ADAMTS17: variants seen among roughly 807,000 people sequenced by gnomAD.
ADAMTS17 encodes ADAM metallopeptidase with thrombospondin type 1 motif 17, also known as A disintegrin and metalloproteinase with thrombospondin motifs 17.
ADAMTS17 carries 113 observed loss-of-function variants against 141.5 expected under a neutral mutation model. That is an observed-to-expected ratio of 0.80 (90% CI 0.69 to 0.93). The LOEUF (loss-of-function observed/expected upper bound fraction) is 0.93. Ranked by LOEUF, ADAMTS17 falls within the 40% of genes least tolerant of loss-of-function variation. The pLI, the probability that ADAMTS17 is intolerant of heterozygous loss-of-function variation, is 0.00. For synonymous variants in ADAMTS17, 768 were observed against 630.6 expected (o/e 1.22, Z -3.27); for missense variants, 1,659 against 1,517.9 (o/e 1.09, Z -1.54).
chr15:100,105,016 G>A (rs960057151), intron 14 of ADAMTS17, among the ~76,000 whole-genome samples: 1 of 152,232 alleles, frequency 6.6e-6, no homozygotes, highest in South Asian at 2.1e-4. Context: ...AACCTTTACA[G>A]TATCTGTCTG....
At chr15:100,088,486 T>C (rs537255945) in intron 15 of ADAMTS17, among the ~76,000 whole-genome samples, 39 of 152,154 alleles carry the variant, frequency 2.6e-4, no homozygotes, top group Non-Finnish European at 5.4e-4. Flanking sequence ...TGGAAAAAAC[T>C]ACTTTAAAGT....
chr15:100,293,958 C>A (rs1350963455), intron 3 of ADAMTS17, among the ~76,000 whole-genome samples: 1 of 152,284 alleles, frequency 6.6e-6, no homozygotes, highest in South Asian at 2.1e-4. Context: ...TCGTAAGGTG[C>A]CCAACTTTGA....
intron 18 of ADAMTS17, among the ~76,000 whole-genome samples, chr15:100,000,327 C>T (rs1446865012): frequency 6.6e-6 from 1 of 152,152 alleles, no homozygotes; most frequent in Non-Finnish European, 1.5e-5. Context: ...TTCTTTTGTT[C>T]CCCTTTAAGT....
intron 3 of ADAMTS17, among the ~76,000 whole-genome samples, chr15:100,324,024 C>CA (rs35999702): frequency 0.12 from 16,453 of 133,064 alleles, 1,223 homozygotes; most frequent in East Asian, 0.36. Context: ...TCCTTTCTCT[C>CA]AAAAAAAAAA....
chr15:99,998,121 G>A (rs888033331), intron 18 of ADAMTS17, among the ~76,000 whole-genome samples: 10 of 152,304 alleles, frequency 6.6e-5, no homozygotes, highest in African/African-American at 2.4e-4. Flanking sequence ...CGGCAATAGG[G>A]GATTGATACA....
chr15:100,289,251 A>T (rs2044548468), intron 3 of ADAMTS17, among the ~76,000 whole-genome samples: 1 of 152,240 alleles, frequency 6.6e-6, no homozygotes, highest in Non-Finnish European at 1.5e-5. Context: ...GAAGAAACTG[A>T]TGAATTCCTG....
chr15:100,037,418 TTCTTCTTTTTG>T (rs1042440413), intron 18 of ADAMTS17, among the ~76,000 whole-genome samples: 4 of 136,982 alleles, frequency 2.9e-5, no homozygotes, highest in East Asian at 2.1e-4. Flanking sequence ...TTTTTTTTTT[TTCTTCTTTTTG>T]AGACAGAGTC....
chr15:100,301,474 A>G lies in ADAMTS17; in HGVS notation c.617-20073T>C, dbSNP rs1399345379. Among the ~76,000 whole-genome samples the G allele has an allele frequency of 2.7e-5, 4 of 147,708 alleles. No individual in the cohort carries two copies. In the East Asian group the frequency reaches 7.8e-4, roughly 29 times the overall value. Reference sequence around the variant, plus strand: ...CAAGTAGCTGGGACTACAGGCGCCCACCACCACACCGGGCTAATTTTTTTT... The same window carrying G: ...CAAGTAGCTGGGACTACAGGCGCCCGCCACCACACCGGGCTAATTTTTTTT... On this transcript the variant is annotated intron_variant, in intron 3 of 21. Coordinates refer to ENST00000268070, the MANE Select transcript of ADAMTS17 (RefSeq NM_139057.4).
intron 6 of ADAMTS17, among the ~76,000 whole-genome samples, chr15:100,260,062 C>T (rs1950109416): frequency 6.6e-6 from 1 of 152,078 alleles, no homozygotes; most frequent in African/African-American, 2.4e-5. Flanking sequence ...CCAAGCTGGT[C>T]TCGAACTCCT....
chr15:100,255,394 C>T (rs2043290865), intron 6 of ADAMTS17, among the ~76,000 whole-genome samples: 1 of 152,104 alleles, frequency 6.6e-6, no homozygotes, highest in Non-Finnish European at 1.5e-5. Flanking sequence ...ACCAAGGTAA[C>T]CTTCAGGGAA....
chr15:100,313,075 G>A (rs374738820), intron 3 of ADAMTS17, among the ~76,000 whole-genome samples: 16 of 152,228 alleles, frequency 1.1e-4, no homozygotes, highest in African/African-American at 2.2e-4. Context: ...ATGGCTCCAC[G>A]GGGGATTCTA....
chr15:99,998,556 A>G (rs1429031528), intron 18 of ADAMTS17, among the ~76,000 whole-genome samples: 1 of 152,182 alleles, frequency 6.6e-6, no homozygotes, highest in African/African-American at 2.4e-5. Context: ...GTGAGCCAAG[A>G]TCGCGCCACT....
intron 3 of ADAMTS17, among the ~76,000 whole-genome samples, chr15:100,325,329 T>C (rs561652091): frequency 5.3e-5 from 8 of 152,196 alleles, no homozygotes; most frequent in South Asian, 4.1e-4. Context: ...CATTTGCAGA[T>C]AGGGTTTTTA....
At chr15:100,093,346 T>C (rs1471899401) in intron 15 of ADAMTS17, among the ~76,000 whole-genome samples, 1 of 152,138 alleles carries the variant, frequency 6.6e-6, no homozygotes, top group African/African-American at 2.4e-5. Context: ...TGGGCAAAAA[T>C]CCAGCATTTG....
At chr15:100,156,212 G>C (rs1158652191) in intron 8 of ADAMTS17, among the ~76,000 whole-genome samples, 1 of 152,160 alleles carries the variant, frequency 6.6e-6, no homozygotes, top group Non-Finnish European at 1.5e-5. Flanking sequence ...GATAAAAGAG[G>C]TTTCTAAACT....
chr15:100,075,223 T>C (rs1276161044), intron 15 of ADAMTS17, among the ~76,000 whole-genome samples: 1 of 152,220 alleles, frequency 6.6e-6, no homozygotes, highest in East Asian at 1.9e-4. Flanking sequence ...GTTTGTCATA[T>C]TTACTTTTTA....
chr15:100,094,334 C>T (rs141872552), intron 15 of ADAMTS17, among the ~76,000 whole-genome samples: 11 of 152,330 alleles, frequency 7.2e-5, no homozygotes, highest in African/African-American at 2.6e-4. Flanking sequence ...CCACAGGGGT[C>T]TGACCTCACA....
intron 7 of ADAMTS17, among the ~76,000 whole-genome samples, chr15:100,236,863 C>T (rs2042673146): frequency 6.6e-6 from 1 of 152,062 alleles, no homozygotes; most frequent in African/African-American, 2.4e-5. Flanking sequence ...GAAATACCAA[C>T]TACTTGTTCC....
At chr15:100,002,505 C>T (rs915726326) in intron 18 of ADAMTS17, among the ~76,000 whole-genome samples, 9 of 151,906 alleles carry the variant, frequency 5.9e-5, no homozygotes, top group Admixed American at 1.3e-4. Context: ...ACTGGGGGGA[C>T]GAGGGAAGAG....
Sources: gnomAD v4.1 joint callset for allele counts (sites outside exome capture counted in the v4.1 genomes callset) on GRCh38, gnomAD v4.1.1 for gene constraint, MANE v1.5 for transcripts, NCBI Gene and HGNC (gene_info 2026-07-23, HGNC 2026-07-21) for gene names.